Variants in USP25 observed in about 807,000 individuals in gnomAD.
USP25 encodes ubiquitin carboxyl-terminal hydrolase 25.
USP25 carries 85 observed loss-of-function variants against 158.5 expected under a neutral mutation model. The observed-to-expected ratio is 0.54, with a 90% CI of 0.45 to 0.64. The LOEUF (loss-of-function observed/expected upper bound fraction) is 0.64. USP25 is among the 30% of genes least tolerant of loss of function. USP25 has a pLI of 0.00. For missense variants in USP25, 1,242 were observed against 1,327.3 expected, an observed-to-expected ratio of 0.94 and a Z score of 1.00; for synonymous variants, 464 against 460.4, an observed-to-expected ratio of 1.01 and a Z score of -0.10.
intron 1 of USP25, among the ~76,000 whole-genome samples, chr21:15,730,976 GTTTTTTTTTTTTTTTTT>G (rs748732727): frequency 3.7e-5 from 2 of 53,646 alleles, no homozygotes; most frequent in Non-Finnish European, 6.8e-5. Flanking sequence ...CTTCTTTTCT[GTTTTTTTTTTTTTTTTT>G]TTTTTTTTCA....
intron 5 of USP25, among the ~76,000 whole-genome samples, chr21:15,797,986 A>T (rs9981766): frequency 0.2 from 30,290 of 151,164 alleles, 4,739 homozygotes; most frequent in African/African-American, 0.44. Context: ...AGGAAAAAAA[A>T]CATAATATAT....
intron 9 of USP25, among the ~76,000 whole-genome samples, chr21:15,812,553 A>T (rs2036720504): frequency 6.6e-6 from 1 of 151,902 alleles, no homozygotes; most frequent in African/African-American, 2.4e-5. Flanking sequence ...CAGGAGGCTG[A>T]GGCAGGAGAA....
chr21:15,740,360 C>A (rs537108137), intron 1 of USP25, among the ~76,000 whole-genome samples: 23 of 152,276 alleles, frequency 1.5e-4, no homozygotes, highest in African/African-American at 5.5e-4. Flanking sequence ...TCACAATACA[C>A]CAAATTTAAT....
chr21:15,750,061 A>C (rs1375071542), intron 1 of USP25, among the ~76,000 whole-genome samples: 1 of 151,910 alleles, frequency 6.6e-6, no homozygotes, highest in Non-Finnish European at 1.5e-5. Flanking sequence ...CACTGTAGTT[A>C]GAGGGTGAGA....
In USP25 at chr21:15,878,505, A is replaced by T. The variant is rs755862342; in HGVS notation, c.*30A>T. The T allele has an allele frequency of 1.3e-6, 2 of 1,596,432 alleles. No individual in the cohort carries two copies. Among genetic ancestry groups the T allele is most frequent in the East Asian group, 4.5e-5 (2 of 44,322 alleles). ...CACACTTTCCCTGAACACACTGTAT[A>T]AACTCTTTTTAGTTCTTAACCCTTG... On this transcript the variant is annotated 3_prime_UTR_variant, in exon 26 of 26. Transcript: ENST00000400183.
intron 17 of USP25, among the ~76,000 whole-genome samples, chr21:15,834,152 A>G (rs1234341629): frequency 6.6e-6 from 1 of 152,234 alleles, no homozygotes. Context: ...ACATATAAAT[A>G]TTTAAAAACA....
intron 5 of USP25, among the ~76,000 whole-genome samples, chr21:15,795,544 A>G (rs768923178): frequency 2.0e-5 from 3 of 151,544 alleles, no homozygotes; most frequent in Non-Finnish European, 4.4e-5. Flanking sequence ...TTTAAGCATG[A>G]TCACTCGCTT....
intron 24 of USP25, chr21:15,876,158 A>C (rs2040089505): frequency 1.3e-5 from 2 of 152,184 alleles, no homozygotes; most frequent in South Asian, 4.1e-4. Context: ...AACATGTTTT[A>C]TTTAAGAGAT....
intron 2 of USP25, 84 bp downstream of exon 2, chr21:15,763,052 T>TG: frequency 8.5e-7 from 1 of 1,172,800 alleles, no homozygotes; most frequent in Non-Finnish European, 1.2e-6. Flanking sequence ...ATTTTTTTTT[T>TG]GGGGTATACC....
intron 1 of USP25, among the ~76,000 whole-genome samples, chr21:15,735,399 T>C (rs2031390333): frequency 6.6e-6 from 1 of 152,198 alleles, no homozygotes; most frequent in African/African-American, 2.4e-5. Flanking sequence ...ATTTACATTG[T>C]GTTAGGTATT....
chr21:15,804,568 CAG>C (rs1280546366), intron 6 of USP25, among the ~76,000 whole-genome samples: 3 of 152,046 alleles, frequency 2.0e-5, no homozygotes, highest in Admixed American at 2.0e-4. Context: ...TGTCACACCA[CAG>C]TGACAGTCGG....
chr21:15,855,778 A>G (rs1346984755), intron 20 of USP25, among the ~76,000 whole-genome samples: 1 of 152,242 alleles, frequency 6.6e-6, no homozygotes, highest in Non-Finnish European at 1.5e-5. Flanking sequence ...GAGGTAGAAC[A>G]GGAGTACTCC....
intron 1 of USP25, among the ~76,000 whole-genome samples, chr21:15,761,101 G>A (rs900879188): frequency 6.6e-6 from 1 of 152,186 alleles, no homozygotes; most frequent in African/African-American, 2.4e-5. Context: ...GTGTCCTTCA[G>A]TTTGGGTTTG....
At chr21:15,759,779 G>T (rs770383181) in intron 1 of USP25, among the ~76,000 whole-genome samples, 25 of 152,154 alleles carry the variant, frequency 1.6e-4, no homozygotes, top group Non-Finnish European at 2.8e-4. Flanking sequence ...TCCAGTCATG[G>T]CCTGAACCAG....
intron 6 of USP25, among the ~76,000 whole-genome samples, chr21:15,804,341 T>C (rs1973669484): frequency 6.6e-6 from 1 of 151,520 alleles, no homozygotes; most frequent in Non-Finnish European, 1.5e-5. Context: ...GGTGATATAT[T>C]AGTCTCCTAT....
chr21:15,772,003 T>C (rs765258545), intron 3 of USP25, among the ~76,000 whole-genome samples: 3 of 151,584 alleles, frequency 2.0e-5, no homozygotes, highest in Non-Finnish European at 4.4e-5. Context: ...TATTTACATA[T>C]ATAATAGTTC....
chr21:15,752,767 C>G (rs959796539), intron 1 of USP25, among the ~76,000 whole-genome samples: 1 of 152,148 alleles, frequency 6.6e-6, no homozygotes, highest in Non-Finnish European at 1.5e-5. Flanking sequence ...ATTTAGAATT[C>G]TTGGCATTTT....
intron 7 of USP25, among the ~76,000 whole-genome samples, chr21:15,807,688 G>T (rs1056900765): frequency 1.3e-5 from 2 of 152,118 alleles, no homozygotes; most frequent in African/African-American, 4.8e-5. Context: ...TCTGTCTTCT[G>T]GTTTTCTGTT....
intron 1 of USP25, among the ~76,000 whole-genome samples, chr21:15,737,795 C>CA (rs1229410767): frequency 6.6e-6 from 1 of 150,890 alleles, no homozygotes; most frequent in Non-Finnish European, 1.5e-5. Context: ...CTCTCATATC[C>CA]AAAATGCTTG....
Sources: allele counts gnomAD v4.1 joint callset (sites outside exome capture counted in the v4.1 genomes callset), GRCh38; gene constraint gnomAD v4.1.1; transcripts MANE v1.5; gene names NCBI Gene and HGNC (gene_info 2026-07-23, HGNC 2026-07-21).